BCAS3: variants seen among roughly 807,000 people sequenced by gnomAD.
The protein encoded by BCAS3 is BCAS4/BCAS3 fusion.
A neutral mutation model predicts 116.1 loss-of-function variants in BCAS3; 53 were observed. The ratio of observed to expected loss-of-function variants is 0.46; its 90% CI spans 0.37 to 0.57. The LOEUF (loss-of-function observed/expected upper bound fraction) is 0.57, where lower values mean the gene tolerates loss of function less well. BCAS3 is among the 20% of genes least tolerant of loss of function. The pLI is 0.00. For missense variants in BCAS3, 917 were observed against 1,165.4 expected, an observed-to-expected ratio of 0.79 and a Z score of 3.10; for synonymous variants, 391 against 408.2, an observed-to-expected ratio of 0.96 and a Z score of 0.51.
In BCAS3 at chr17:60,784,061, A is replaced by G. The variant is rs141385881; in HGVS notation, c.404-23943A>G. On this transcript the variant is annotated intron_variant, in intron 6 of 23. Coordinates refer to ENST00000407086, the MANE Select transcript of BCAS3 (RefSeq NM_017679.5). Reference sequence around the variant, plus strand: ...ACTGCTGCCAGGAAAGTATCTAAACATCTGGAATATGGTCAGAATTCTATA... The same window carrying G: ...ACTGCTGCCAGGAAAGTATCTAAACGTCTGGAATATGGTCAGAATTCTATA... Among the ~76,000 whole-genome samples the G allele has an allele frequency of 4.4e-3, 674 of 152,286 alleles. 6 individuals are homozygous for G. Among genetic ancestry groups the G allele is most frequent in the African/African-American group, 0.015 (643 of 41,558 alleles).
chr17:60,966,738 C>T (rs1172989382), intron 14 of BCAS3, among the ~76,000 whole-genome samples: 3 of 150,884 alleles, frequency 2.0e-5, no homozygotes, highest in African/African-American at 7.4e-5. Context: ...TTGCAACCTC[C>T]GTCTCCTGGG....
At chr17:60,726,645 G>A (rs1177837408) in intron 5 of BCAS3, among the ~76,000 whole-genome samples, 3 of 152,022 alleles carry the variant, frequency 2.0e-5, no homozygotes, top group African/African-American at 7.3e-5. Context: ...GAGTAGCTGG[G>A]ACTACAGATG....
chr17:60,816,279 C>CT (rs537982584), intron 7 of BCAS3, among the ~76,000 whole-genome samples: 5,590 of 139,976 alleles, frequency 0.04, 383 homozygotes, highest in African/African-American at 0.11. Context: ...TTTTTCTTTT[C>CT]TTTTTTTTTT....
At position 61,346,790 on chromosome 17, in the gene BCAS3, G is replaced by A. The variant is rs1048661122; in HGVS notation, c.2426-21537G>A. On this transcript the variant is annotated intron_variant, in intron 22 of 23. Coordinates refer to ENST00000407086, the MANE Select transcript of BCAS3 (RefSeq NM_017679.5). The surrounding 1 kb of genome is among the most constrained non-coding windows in gnomAD (Gnocchi z 5.4). ...GCCACTTCACCACAGTCTCATCTAC[G>A]CTGTGTTAGAGGGTTAGCATGTGCT... Among the ~76,000 whole-genome samples the A allele has an allele frequency of 6.6e-6, 1 of 152,200 alleles. No homozygotes were observed. The highest frequency in any genetic ancestry group is 6.5e-5 in the Admixed American group (1 of 15,288).
chr17:61,137,484 T>G (rs2076704804), intron 22 of BCAS3, among the ~76,000 whole-genome samples: 1 of 152,228 alleles, frequency 6.6e-6, no homozygotes, highest in Admixed American at 6.5e-5. Flanking sequence ...TGCTAAAAAC[T>G]GGGGCCAGGC....
chr17:61,327,084 T>A lies in BCAS3; in HGVS notation c.2426-41243T>A, dbSNP rs1233027663. Among the ~76,000 whole-genome samples, 2 of 152,110 alleles carry A rather than the reference T, an allele frequency of 1.3e-5. No homozygotes were observed. The highest frequency in any genetic ancestry group is 4.8e-5 in the African/African-American group (2 of 41,418). The stretch of plus-strand genomic sequence containing the variant: ...ACTTTGGGAGGCCGAGGTAGGCAGA[T>A]CATGAGGTCAAGAGATTGAGACCAC... On this transcript the variant is annotated intron_variant, in intron 22 of 23. Transcript: ENST00000407086. This position sits in a 1 kb window ranked among gnomAD's most constrained non-coding sequence, Gnocchi z 5.9.
At chr17:61,072,156 T>G (rs968883732) in intron 19 of BCAS3, among the ~76,000 whole-genome samples, 1 of 152,164 alleles carries the variant, frequency 6.6e-6, no homozygotes, top group African/African-American at 2.4e-5. Flanking sequence ...TAGATGTATA[T>G]TTGGAATCTT....
In BCAS3 at chr17:61,251,119, A is replaced by G. The variant is rs2048338304; in HGVS notation, c.2426-117208A>G. 6.6e-6 allele frequency among the ~76,000 whole-genome samples: 1 copy of G among 152,142 alleles called. No homozygotes were observed. Among genetic ancestry groups the G allele is most frequent in the African/African-American group, 2.4e-5 (1 of 41,418 alleles). On this transcript the variant is annotated intron_variant, in intron 22 of 23. Transcript: ENST00000407086. The surrounding 1 kb of genome is among the most constrained non-coding windows in gnomAD (Gnocchi z 4.7). ...ATTTCCTGTGAGCCAGTCTTACATC[A>G]CTGGTGCAAGAATTGGGCAGTGCTT...
At chr17:61,275,826 A>G (rs1281898566) in intron 22 of BCAS3, among the ~76,000 whole-genome samples, 1 of 152,160 alleles carries the variant, frequency 6.6e-6, no homozygotes, top group Non-Finnish European at 1.5e-5. Context: ...GAGCGTAATG[A>G]TTGCTGCCAT....
chr17:60,735,536 C>T (rs2144188687), intron 5 of BCAS3, among the ~76,000 whole-genome samples: 1 of 152,146 alleles, frequency 6.6e-6, no homozygotes, highest in South Asian at 2.1e-4. Flanking sequence ...TCACTACAAC[C>T]CCTGCTTTCT....
intron 21 of BCAS3, among the ~76,000 whole-genome samples, chr17:61,081,603 G>A (rs1465154668): frequency 6.6e-6 from 1 of 152,126 alleles, no homozygotes; most frequent in East Asian, 1.9e-4. Flanking sequence ...AATTGCATTT[G>A]TAATTTATAT....
At chr17:60,680,560 T>C (rs1408126880) in intron 2 of BCAS3, among the ~76,000 whole-genome samples, 1 of 152,142 alleles carries the variant, frequency 6.6e-6, no homozygotes, top group Non-Finnish European at 1.5e-5. Flanking sequence ...TATGTCTCTG[T>C]TTTTGGCATT....
intron 13 of BCAS3, among the ~76,000 whole-genome samples, chr17:60,938,633 C>T (rs2060064004): frequency 6.6e-6 from 1 of 151,984 alleles, no homozygotes. Flanking sequence ...ACAAAATCTT[C>T]ATCAAAATTG....
intron 22 of BCAS3, among the ~76,000 whole-genome samples, chr17:61,100,279 A>G (rs550901697): frequency 4.4e-4 from 67 of 152,218 alleles, no homozygotes; most frequent in Middle Eastern, 6.8e-3. Context: ...AGCGAACCCT[A>G]TGATCTTCTA....
chr17:61,069,896 C>G (rs1199940611), intron 19 of BCAS3: 2 of 1,299,418 alleles, frequency 1.5e-6, no homozygotes, highest in Middle Eastern at 3.7e-4. Context: ...AAGAAGGAAG[C>G]TCCTGCCCCT....
chr17:60,689,366 G>A (rs1206799101), intron 3 of BCAS3, among the ~76,000 whole-genome samples: 1 of 152,190 alleles, frequency 6.6e-6, no homozygotes, highest in Non-Finnish European at 1.5e-5. Flanking sequence ...AGTAGAGACA[G>A]AGTTTCGCCA....
Position 60,786,570 on chromosome 17 carries a change from T to A in BCAS3, c.404-21434T>A, listed in dbSNP as rs567403216. On this transcript the variant is annotated intron_variant, in intron 6 of 23. Transcript: ENST00000407086. ...GTGTATATATATATATATATATATA[T>A]AAAATGTGTCAGTGGAAATCTGAAG... is the stretch of plus-strand genomic sequence containing the variant. Among the ~76,000 whole-genome samples the A allele has an allele frequency of 4.7e-4, 70 of 148,100 alleles. 1 individual carries two copies. In the East Asian group the frequency reaches 0.01, roughly 22 times the overall value.
Position 61,084,382 on chromosome 17 carries a change from C to T in BCAS3, c.2328-85C>T. 1.9e-6 allele frequency: 2 copies of T among 1,079,536 alleles called. No individual in the cohort carries two copies. The highest frequency in any genetic ancestry group is 2.7e-6 in the Non-Finnish European group (2 of 738,808). The allele number at this position is 1,079,536 out of a possible 1,614,324, so 66.9% of individuals were successfully genotyped here. On this transcript the variant is annotated intron_variant, in intron 21 of 23. Coordinates refer to ENST00000407086, the MANE Select transcript of BCAS3 (RefSeq NM_017679.5). This position sits in a 1 kb window ranked among gnomAD's most constrained non-coding sequence, Gnocchi z 5.5. ...GGTTCTTTAATGGATTGTGCTACTCCAGCATTCCTGATTTAAGGTCATTTG... is the reference window on the plus strand; with the variant it reads ...GGTTCTTTAATGGATTGTGCTACTCTAGCATTCCTGATTTAAGGTCATTTG...
At chr17:61,014,028 G>T (rs757420765) in intron 15 of BCAS3, among the ~76,000 whole-genome samples, 2 of 151,992 alleles carry the variant, frequency 1.3e-5, no homozygotes, top group African/African-American at 4.8e-5. Context: ...AGGACTTTCG[G>T]GGGGGATGCT....
Sources: allele counts gnomAD v4.1 joint callset (sites outside exome capture counted in the v4.1 genomes callset), GRCh38; gene constraint gnomAD v4.1.1; non-coding constraint Gnocchi (gnomAD v3.1); transcripts MANE v1.5; gene names NCBI Gene and HGNC (gene_info 2026-07-23, HGNC 2026-07-21).